Variants in RABL3 observed in about 807,000 individuals in gnomAD.
The protein encoded by RABL3 is RAB, member of RAS oncogene family like 3.
In RABL3, 31 loss-of-function variants were observed where a neutral mutation model predicts 31.8. The observed-to-expected ratio is 0.97, with a 90% CI of 0.73 to 1.31. The LOEUF (loss-of-function observed/expected upper bound fraction) is 1.31. Ranked by LOEUF, RABL3 falls within the 40% of genes most tolerant of loss-of-function variation. The pLI is 0.00. For synonymous variants in RABL3, 97 were observed against 99.9 expected (o/e 0.97, Z 0.18); for missense variants, 263 against 279.6 (o/e 0.94, Z 0.42).
intron 4 of RABL3, among the ~76,000 whole-genome samples, chr3:120,698,950 GA>G (rs1427651766): frequency 6.6e-6 from 1 of 152,204 alleles, no homozygotes; most frequent in African/African-American, 2.4e-5. Flanking sequence ...TAGAAGCAGA[GA>G]GTGGATTTAA....
intron 1 of RABL3, among the ~76,000 whole-genome samples, chr3:120,736,626 C>A (rs2107598672): frequency 6.6e-6 from 1 of 152,276 alleles, no homozygotes; most frequent in Middle Eastern, 3.4e-3. Flanking sequence ...TCTTCCTAGC[C>A]TCAATGGTCT....
At chr3:120,731,050 G>A (rs545440568) in intron 1 of RABL3, among the ~76,000 whole-genome samples, 44 of 152,334 alleles carry the variant, frequency 2.9e-4, no homozygotes, top group African/African-American at 1.1e-3. Context: ...TAGCGGGTCT[G>A]TCTTGGGGCC....
chr3:120,692,474 A>C (rs984375985), intron 6 of RABL3, among the ~76,000 whole-genome samples: 1 of 152,294 alleles, frequency 6.6e-6, no homozygotes, highest in Non-Finnish European at 1.5e-5. Context: ...TTGGGATTAC[A>C]GGCGTGAGGC....
At chr3:120,711,998 T>C (rs1241215732) in intron 2 of RABL3, among the ~76,000 whole-genome samples, 1 of 152,148 alleles carries the variant, frequency 6.6e-6, no homozygotes, top group African/African-American at 2.4e-5. Context: ...TATTATGTGA[T>C]TTCTAAAGTA....
At chr3:120,701,380 T>C (rs571323270) in intron 4 of RABL3, among the ~76,000 whole-genome samples, 43 of 152,318 alleles carry the variant, frequency 2.8e-4, no homozygotes, top group African/African-American at 1.0e-3. Flanking sequence ...TGTATTAAGG[T>C]TGTTTTATAC....
intron 1 of RABL3, among the ~76,000 whole-genome samples, chr3:120,731,233 T>C (rs181488794): frequency 9.1e-4 from 138 of 152,302 alleles, no homozygotes; most frequent in African/African-American, 3.1e-3. Context: ...AAGTAATCCC[T>C]CTCTCCTGCA....
chr3:120,732,891 C>T (rs1227004859), intron 1 of RABL3, among the ~76,000 whole-genome samples: 1 of 152,130 alleles, frequency 6.6e-6, no homozygotes, highest in Non-Finnish European at 1.5e-5. Flanking sequence ...AGGACATGAA[C>T]TCATCATTTT....
At chr3:120,742,241 G>A (rs1016306071) in intron 1 of RABL3, among the ~76,000 whole-genome samples, 3 of 151,646 alleles carry the variant, frequency 2.0e-5, no homozygotes, top group South Asian at 2.1e-4. Context: ...AAGCCGCGAA[G>A]GCAAAAGACC....
At chr3:120,694,716 G>A (rs1028228541) in intron 5 of RABL3, among the ~76,000 whole-genome samples, 2 of 152,010 alleles carry the variant, frequency 1.3e-5, no homozygotes, top group Admixed American at 6.6e-5. Flanking sequence ...CAGAACAATT[G>A]CCAAGGATTT....
intron 2 of RABL3, among the ~76,000 whole-genome samples, chr3:120,710,924 C>T (rs879499164): frequency 1.3e-5 from 2 of 152,088 alleles, no homozygotes; most frequent in Non-Finnish European, 1.5e-5. Flanking sequence ...TCATTTCTAT[C>T]GAACTTATGC....
intron 4 of RABL3, among the ~76,000 whole-genome samples, chr3:120,699,414 C>T (rs1457892148): frequency 6.6e-6 from 1 of 152,154 alleles, no homozygotes; most frequent in East Asian, 1.9e-4. Flanking sequence ...GTAAATGATA[C>T]TTCTCATTAC....
In RABL3 at chr3:120,742,488, A is replaced by G. The variant is rs780387447; in HGVS notation, c.20T>C (p.Val7Ala). The change falls in exon 1 of 8, where the codon GTG (valine) becomes GCG (alanine). Residue 7 changes from valine (V) to alanine (A), a missense_variant. By Grantham distance (64) the Val-to-Ala change is moderately conservative. Coordinates refer to ENST00000273375, the MANE Select transcript of RABL3 (RefSeq NM_173825.5). MASLDR[V>A]KVLVLGDSGV... Reference sequence around the variant, plus strand: ...TGAGTCTCCCAACACCAGTACCTTCACCCGATCCAGGGACGCCATCTTGCC... The same window carrying G: ...TGAGTCTCCCAACACCAGTACCTTCGCCCGATCCAGGGACGCCATCTTGCC... 1 of 1,613,966 alleles carries G rather than the reference A, an allele frequency of 6.2e-7. No individual in the cohort carries two copies. The highest frequency in any genetic ancestry group is 8.5e-7 in the Non-Finnish European group (1 of 1,180,014).
intron 2 of RABL3, among the ~76,000 whole-genome samples, chr3:120,712,014 T>C (rs978245042): frequency 6.6e-6 from 1 of 152,168 alleles, no homozygotes; most frequent in African/African-American, 2.4e-5. Flanking sequence ...AAGTATCTAC[T>C]GGCTTTGACA....
intron 6 of RABL3, among the ~76,000 whole-genome samples, chr3:120,691,917 G>A (rs1163484327): frequency 6.6e-6 from 1 of 152,054 alleles, no homozygotes; most frequent in African/African-American, 2.4e-5. Context: ...TCTCTGGTGC[G>A]ACAGCCATTC....
intron 4 of RABL3, among the ~76,000 whole-genome samples, chr3:120,700,331 A>C (rs371702851): frequency 3.9e-4 from 59 of 152,240 alleles, no homozygotes; most frequent in African/African-American, 1.3e-3. Context: ...TTATCACTTC[A>C]GAGAAGATTT....
In RABL3 at chr3:120,706,589, C is replaced by T. The variant is rs114838435; in HGVS notation, c.269-475G>A. Among the ~76,000 whole-genome samples the T allele has an allele frequency of 7.5e-3, 1,142 of 151,514 alleles. 18 individuals carry two copies. The highest frequency in any genetic ancestry group is 0.026 in the African/African-American group (1,082 of 41,418). ...AAAAGTAATATTAGGTAATGAAAAT[C>T]TACTAAAATAGTACTGATTTGATAC... On this transcript the variant is annotated intron_variant, in intron 3 of 7. Coordinates refer to ENST00000273375, the MANE Select transcript of RABL3 (RefSeq NM_173825.5).
chr3:120,726,902 T>C (rs948644347), intron 2 of RABL3, among the ~76,000 whole-genome samples: 25 of 151,972 alleles, frequency 1.6e-4, no homozygotes, highest in African/African-American at 5.8e-4. Context: ...ATAATAAACA[T>C]TGTCAAATGT....
At chr3:120,698,008 T>TA (rs1708455664) in intron 5 of RABL3, among the ~76,000 whole-genome samples, 2 of 151,846 alleles carry the variant, frequency 1.3e-5, no homozygotes, top group South Asian at 4.2e-4. Flanking sequence ...TAAAAATATT[T>TA]AAAAAATTAG....
At chr3:120,722,030 G>A (rs1022197601) in intron 2 of RABL3, 8 of 151,194 alleles carry the variant, frequency 5.3e-5, no homozygotes, top group Middle Eastern at 6.3e-3. Flanking sequence ...AAACATACTC[G>A]TAGGCGTAAA....
Sources: gnomAD v4.1 joint callset for allele counts (sites outside exome capture counted in the v4.1 genomes callset) on GRCh38, gnomAD v4.1.1 for gene constraint, MANE v1.5 for transcripts, NCBI Gene and HGNC (gene_info 2026-07-23, HGNC 2026-07-21) for gene names.